KCND2: variants seen among roughly 807,000 people sequenced by gnomAD.
KCND2 encodes A-type voltage-gated potassium channel KCND2.
KCND2 carries 16 observed loss-of-function variants against 54.4 expected under a neutral mutation model. The observed-to-expected ratio is 0.29, with a 90% CI of 0.20 to 0.45. The LOEUF (loss-of-function observed/expected upper bound fraction) is 0.45, where lower values mean the gene tolerates loss of function less well. Ranked by LOEUF, KCND2 falls within the 20% of genes least tolerant of loss-of-function variation. KCND2 has a pLI of 1.00. For synonymous variants in KCND2, 317 were observed against 310.7 expected (o/e 1.02, Z -0.21); for missense variants, 486 against 824.2 (o/e 0.59, Z 5.02).
intron 1 of KCND2, among the ~76,000 whole-genome samples, chr7:120,698,087 T>C (rs1164609148): frequency 7.4e-6 from 1 of 134,848 alleles, no homozygotes; most frequent in African/African-American, 2.8e-5. Flanking sequence ...CAATCTCAGC[T>C]CACTCTAACT....
intron 1 of KCND2, among the ~76,000 whole-genome samples, chr7:120,476,247 G>A (rs558257134): frequency 1.3e-5 from 2 of 152,244 alleles, no homozygotes; most frequent in South Asian, 2.1e-4. Flanking sequence ...TTTCTCTTCT[G>A]TGTTATTAGT....
rs1268573990 is a variant in KCND2, at chr7:120,407,013, G to A, written c.1115+131266G>A. On this transcript the variant is annotated intron_variant, in intron 1 of 5. Coordinates refer to ENST00000331113, the MANE Select transcript of KCND2 (RefSeq NM_012281.3). ...GCTATTCCTCGGGGATGCAGTAAGG[G>A]CGTGAGTGAGATTTTGAAGTTCAAA... Among the ~76,000 whole-genome samples, 3 of 151,766 alleles carry A rather than the reference G, an allele frequency of 2.0e-5. No homozygotes were observed. The South Asian group carries it at 6.2e-4, about 31-fold the overall frequency.
intron 1 of KCND2, among the ~76,000 whole-genome samples, chr7:120,732,320 T>C (rs1016184088): frequency 6.6e-6 from 1 of 151,618 alleles, no homozygotes; most frequent in Admixed American, 6.6e-5. Context: ...ATAAAAGGAG[T>C]CTTTCAAGGA....
At chr7:120,499,552 A>G (rs1464978811) in intron 1 of KCND2, among the ~76,000 whole-genome samples, 5 of 152,142 alleles carry the variant, frequency 3.3e-5, no homozygotes, top group Admixed American at 2.6e-4. Context: ...AATTTTCATC[A>G]TGGAAATTCT....
chr7:120,480,400 A>G (rs1802591245), intron 1 of KCND2, among the ~76,000 whole-genome samples: 1 of 152,210 alleles, frequency 6.6e-6, no homozygotes, highest in Admixed American at 6.5e-5. Context: ...TCATTAAAAG[A>G]CTTTAAGGTT....
At chr7:120,312,974 T>A (rs1161444375) in intron 1 of KCND2, among the ~76,000 whole-genome samples, 1 of 152,234 alleles carries the variant, frequency 6.6e-6, no homozygotes, top group Non-Finnish European at 1.5e-5. Context: ...TTACCCATTC[T>A]AGAAGCATCT....
intron 5 of KCND2, among the ~76,000 whole-genome samples, chr7:120,746,557 A>G (rs1477317687): frequency 1.3e-5 from 2 of 152,168 alleles, no homozygotes; most frequent in African/African-American, 4.8e-5. Context: ...CAAAATCAAC[A>G]TAATACAAAA....
intron 1 of KCND2, among the ~76,000 whole-genome samples, chr7:120,684,235 G>A (rs1017364758): frequency 6.6e-6 from 1 of 152,036 alleles, no homozygotes; most frequent in East Asian, 1.9e-4. Context: ...GCAAGTTCAC[G>A]TTTGCTAAAA....
chr7:120,496,443 G>T (rs548724292), intron 1 of KCND2, among the ~76,000 whole-genome samples: 4 of 151,030 alleles, frequency 2.6e-5, no homozygotes, highest in African/African-American at 9.7e-5. Context: ...AATTTTTTTT[G>T]AGATGGAGTC....
intron 1 of KCND2, among the ~76,000 whole-genome samples, chr7:120,324,238 A>G (rs1441422960): frequency 3.4e-4 from 51 of 150,216 alleles, no homozygotes; most frequent in African/African-American, 1.2e-3. Flanking sequence ...ATTTTCTCCC[A>G]TTTTGTAGGT....
chr7:120,559,555 A>G (rs1167483401), intron 1 of KCND2, among the ~76,000 whole-genome samples: 1 of 152,216 alleles, frequency 6.6e-6, no homozygotes. Context: ...TTCTATGATC[A>G]TTTGGTATCT....
intron 1 of KCND2, among the ~76,000 whole-genome samples, chr7:120,304,819 C>G (rs1471207185): frequency 6.6e-6 from 1 of 152,134 alleles, no homozygotes; most frequent in African/African-American, 2.4e-5. Flanking sequence ...CCTAATTTGA[C>G]CTAAGTATTC....
intron 1 of KCND2, among the ~76,000 whole-genome samples, chr7:120,657,925 A>C (rs886990696): frequency 1.3e-5 from 2 of 152,168 alleles, no homozygotes; most frequent in Non-Finnish European, 2.9e-5. Flanking sequence ...GGCTAGTTTC[A>C]ATAGTGAATA....
chr7:120,401,410 T>C (rs1164844556), intron 1 of KCND2, among the ~76,000 whole-genome samples: 1 of 152,170 alleles, frequency 6.6e-6, no homozygotes, highest in East Asian at 1.9e-4. Flanking sequence ...GAAAGTTACA[T>C]CTAAAACATT....
chr7:120,745,895 C>G lies in KCND2; in HGVS notation c.1583C>G (p.Thr528Ser). 1 of 1,613,920 alleles carries G rather than the reference C, an allele frequency of 6.2e-7. No homozygotes were observed. The highest frequency in any genetic ancestry group is 8.5e-7 in the Non-Finnish European group (1 of 1,179,864). The change falls in exon 5 of 6, where the codon ACC becomes AGC. Residue 528 changes from threonine (T) to serine (S), a missense_variant. Physicochemically the swap from Thr to Ser is moderately conservative, Grantham distance 58. Around this residue, in one of 7 missense-constraint regions of KCND2, gnomAD observed 202 missense variants for 252.7 expected, o/e 0.80. Coordinates refer to ENST00000331113, the MANE Select transcript of KCND2 (RefSeq NM_012281.3). ...SLSSQQGVTS[T>S]CCSRRHKKTF... ...TCTTCACAACAAGGAGTCACCAGCACCTGCTGTTCACGACGACACAAAAAA... is the reference window on the plus strand; with the variant it reads ...TCTTCACAACAAGGAGTCACCAGCAGCTGCTGTTCACGACGACACAAAAAA...
chr7:120,467,091 G>T (rs578109843), intron 1 of KCND2, among the ~76,000 whole-genome samples: 1 of 152,030 alleles, frequency 6.6e-6, no homozygotes, highest in African/African-American at 2.4e-5. Flanking sequence ...AGTCACTTTT[G>T]CCATTTAAGG....
intron 1 of KCND2, among the ~76,000 whole-genome samples, chr7:120,340,920 G>C (rs188386316): frequency 6.6e-6 from 1 of 152,152 alleles, no homozygotes; most frequent in African/African-American, 2.4e-5. Context: ...TTGTTTTGCT[G>C]GTGGTGATTA....
chr7:120,538,314 A>C (rs1276352692), intron 1 of KCND2, among the ~76,000 whole-genome samples: 1 of 152,256 alleles, frequency 6.6e-6, no homozygotes, highest in Non-Finnish European at 1.5e-5. Flanking sequence ...AGTAACATCA[A>C]AGATCACTGA....
At chr7:120,703,846 A>G (rs113099989) in intron 1 of KCND2, among the ~76,000 whole-genome samples, 150 of 152,252 alleles carry the variant, frequency 9.9e-4, no homozygotes, top group African/African-American at 3.4e-3. Context: ...TGAAAACCAA[A>G]TCCCATCTTG....
Sources: gnomAD v4.1 joint callset for allele counts (sites outside exome capture counted in the v4.1 genomes callset) on GRCh38, gnomAD v4.1.1 for gene constraint, gnomAD v4.1.1 regional missense constraint, MANE v1.5 for transcripts, NCBI Gene and HGNC (gene_info 2026-07-23, HGNC 2026-07-21) for gene names.